STYXL1: variants seen among roughly 807,000 people sequenced by gnomAD.
STYXL1 encodes serine/threonine/tyrosine-interacting-like protein 1.
A neutral mutation model predicts 36.4 loss-of-function variants in STYXL1; 32 were observed. The ratio of observed to expected loss-of-function variants is 0.88; its 90% CI spans 0.66 to 1.18. The LOEUF (loss-of-function observed/expected upper bound fraction) is 1.18. Among genes scored for constraint, STYXL1 ranks in the 50% most tolerant of loss-of-function variants. The pLI is 0.00. For synonymous variants in STYXL1, 133 were observed against 144.1 expected (o/e 0.92, Z 0.55); for missense variants, 354 against 394.1 (o/e 0.90, Z 0.86).
At chr7:76,010,059 AAAT>A (rs1563475541) in intron 5 of STYXL1, among the ~76,000 whole-genome samples, 1 of 152,172 alleles carries the variant, frequency 6.6e-6, no homozygotes, top group Non-Finnish European at 1.5e-5. Context: ...AAAGCTTCAG[AAAT>A]GAGGAGGTGG....
intron 3 of STYXL1, among the ~76,000 whole-genome samples, chr7:76,026,386 C>A (rs935487650): frequency 6.6e-5 from 10 of 151,710 alleles, no homozygotes; most frequent in African/African-American, 2.4e-4. Context: ...CTCAAGTGAT[C>A]CTCCCATCTC....
At chr7:76,046,813 G>A (rs1362601305) in intron 1 of STYXL1, among the ~76,000 whole-genome samples, 4 of 150,984 alleles carry the variant, frequency 2.6e-5, no homozygotes, top group African/African-American at 9.7e-5. Context: ...ACCACGCTGG[G>A]CTAATTTTTG....
intron 8 of STYXL1, among the ~76,000 whole-genome samples, chr7:75,997,785 A>G (rs1343453626): frequency 6.6e-6 from 1 of 152,204 alleles, no homozygotes; most frequent in Non-Finnish European, 1.5e-5. Flanking sequence ...CAAAACCAAC[A>G]TGCAAAAATT....
chr7:76,014,711 TCA>T (rs1793052530), intron 4 of STYXL1, among the ~76,000 whole-genome samples: 1 of 152,024 alleles, frequency 6.6e-6, no homozygotes, highest in East Asian at 1.9e-4. Context: ...TACATATATC[TCA>T]GAGTTTACAG....
intron 3 of STYXL1, among the ~76,000 whole-genome samples, chr7:76,022,277 T>C (rs1424736001): frequency 6.6e-6 from 1 of 152,136 alleles, no homozygotes; most frequent in African/African-American, 2.4e-5. Flanking sequence ...CCACAGCCTA[T>C]TAGGTACCCT....
In STYXL1 at chr7:76,013,803, T is replaced by C. The variant is rs782347485; in HGVS notation, c.392A>G (p.Tyr131Cys). 16 of 1,613,878 alleles carry C rather than the reference T, an allele frequency of 9.9e-6. No individual in the cohort carries two copies. The highest frequency in any genetic ancestry group is 1.3e-5 in the African/African-American group (1 of 74,970). ...GTGGTACGTGCCTGAGAAGCGCTCA[T>C]AGCCCCCTTTCAGGATGTAGACGGG... ...HHPVYILKGG[Y>C]ERFSGTYHFL... Residue 131 changes from tyrosine (Y) to cysteine (C), a missense_variant, in exon 5 of 9, where the codon TAT (tyrosine) becomes TGT (cysteine). Coordinates refer to ENST00000359697, the MANE Select transcript of STYXL1 (RefSeq NM_001317785.2).
At chr7:76,004,739 T>C (rs763653917) in intron 6 of STYXL1, among the ~76,000 whole-genome samples, 92 of 145,094 alleles carry the variant, frequency 6.3e-4, no homozygotes, top group South Asian at 8.8e-4. Flanking sequence ...CGGTGGCTCA[T>C]GCCTGTAATC....
chr7:76,008,724 G>A (rs1554571259), intron 5 of STYXL1, among the ~76,000 whole-genome samples: 2 of 152,130 alleles, frequency 1.3e-5, no homozygotes, highest in Non-Finnish European at 2.9e-5. Context: ...CTCGCTAAAA[G>A]GCCAGGCATG....
chr7:76,043,234 T>G (rs561645369), intron 1 of STYXL1, among the ~76,000 whole-genome samples: 1 of 151,976 alleles, frequency 6.6e-6, no homozygotes, highest in Non-Finnish European at 1.5e-5. Context: ...CTCTGCCTCC[T>G]GGGTTCAAGC....
chr7:76,017,001 C>A (rs576228488), intron 4 of STYXL1, among the ~76,000 whole-genome samples: 2 of 152,046 alleles, frequency 1.3e-5, no homozygotes, highest in East Asian at 3.9e-4. Flanking sequence ...CCATCAACAA[C>A]GGATTGTATT....
intron 1 of STYXL1, among the ~76,000 whole-genome samples, chr7:76,036,585 A>C (rs1467521248): frequency 6.7e-6 from 1 of 148,786 alleles, no homozygotes; most frequent in Non-Finnish European, 1.5e-5. Flanking sequence ...AGCCAGTTTC[A>C]ATTTTTTTCA....
Position 76,021,884 on chromosome 7 carries a change from C to T in STYXL1, c.274G>A (p.Asp92Asn), listed in dbSNP as rs556978337. The change falls in exon 4 of 9, where the codon GAT (aspartate) becomes AAT (asparagine). Residue 92 changes from aspartate to asparagine, a missense_variant. Coordinates refer to ENST00000359697, the MANE Select transcript of STYXL1 (RefSeq NM_001317785.2). ...TCACCATCAGAGTCTGAATCATCATCATCATCTTTTAAGAGTATCTCCAGG... is the reference window on the plus strand; with the variant it reads ...TCACCATCAGAGTCTGAATCATCATTATCATCTTTTAAGAGTATCTCCAGG... ...STLEILLKDD[D>N]DDSDSDGDGK... 1 of 1,613,620 alleles carries T rather than the reference C, an allele frequency of 6.2e-7. No homozygotes were observed. The highest frequency in any genetic ancestry group is 1.7e-5 in the Admixed American group (1 of 59,978).
chr7:76,007,730 G>A (rs368354467), intron 5 of STYXL1, among the ~76,000 whole-genome samples: 4 of 151,814 alleles, frequency 2.6e-5, no homozygotes, highest in South Asian at 4.2e-4. Context: ...AGACCAGCCT[G>A]GGTAACACAG....
intron 3 of STYXL1, among the ~76,000 whole-genome samples, chr7:76,024,356 T>C (rs781856485): frequency 9.2e-5 from 14 of 152,140 alleles, no homozygotes; most frequent in South Asian, 4.1e-4. Flanking sequence ...TGGTGGCTCA[T>C]GCCTGTCATC....
chr7:76,021,411 G>C (rs1794057484), intron 4 of STYXL1, among the ~76,000 whole-genome samples: 1 of 152,100 alleles, frequency 6.6e-6, no homozygotes, highest in Admixed American at 6.6e-5. Context: ...CTGCTCTGTA[G>C]GTGACAACTT....
chr7:76,013,609 T>C, intron 5 of STYXL1, 133 bp downstream of exon 5: 2 of 1,333,848 alleles, frequency 1.5e-6, no homozygotes, highest in African/African-American at 1.5e-5. Flanking sequence ...GTTTTTAGTA[T>C]AGACAGAATC....
chr7:76,019,259 G>C (rs550068311), intron 4 of STYXL1, among the ~76,000 whole-genome samples: 1 of 151,650 alleles, frequency 6.6e-6, no homozygotes, highest in East Asian at 1.9e-4. Flanking sequence ...AAAGAAAACA[G>C]CATGAACTCT....
intron 1 of STYXL1, among the ~76,000 whole-genome samples, chr7:76,039,529 G>C (rs1335493715): frequency 6.6e-6 from 1 of 152,180 alleles, no homozygotes; most frequent in Non-Finnish European, 1.5e-5. Flanking sequence ...CCTGAAATCT[G>C]TCTCTTAACT....
At chr7:76,016,325 C>A (rs1053129989) in intron 4 of STYXL1, among the ~76,000 whole-genome samples, 1 of 151,154 alleles carries the variant, frequency 6.6e-6, no homozygotes, top group African/African-American at 2.4e-5. Context: ...TATATCTATA[C>A]ATATGTGTGT....
Sources: allele counts gnomAD v4.1 joint callset (sites outside exome capture counted in the v4.1 genomes callset), GRCh38; gene constraint gnomAD v4.1.1; transcripts MANE v1.5; gene names NCBI Gene and HGNC (gene_info 2026-07-23, HGNC 2026-07-21).